Variants in MUC22 observed in about 807,000 individuals in gnomAD.
MUC22 encodes mucin-22.
MUC22 carries 24 observed loss-of-function variants against 40.3 expected under a neutral mutation model. The observed-to-expected ratio is 0.60, with a 90% CI of 0.43 to 0.84. The LOEUF is 0.84. Ranked by LOEUF, MUC22 falls within the 40% of genes least tolerant of loss-of-function variation. The probability of loss-of-function intolerance (pLI) is 0.00; values close to 1 mark genes in which losing one functional copy is unlikely to be tolerated. For synonymous variants in MUC22, 765 were observed against 844.5 expected, an observed-to-expected ratio of 0.91 and a Z score of 1.63; for missense variants, 1,926 against 2,130.7, an observed-to-expected ratio of 0.90 and a Z score of 1.89.
intron 3 of MUC22, among the ~76,000 whole-genome samples, chr6:31,033,106 A>G (rs1766188163): frequency 6.6e-6 from 1 of 152,166 alleles, no homozygotes; most frequent in African/African-American, 2.4e-5. Flanking sequence ...TGGAGGTTGC[A>G]GTGAGCAGAG....
At chr6:31,009,750 C>A (rs145585820), upstream of MUC22, among the ~76,000 whole-genome samples, 2 of 152,150 alleles carry the variant, frequency 1.3e-5, no homozygotes, top group Non-Finnish European at 2.9e-5. Flanking sequence ...ATCTGAATTA[C>A]ACGGGGTAAA....
exon 2 of MUC22, chr6:31,026,714 C>G: frequency 6.6e-7 from 1 of 1,505,814 alleles, no homozygotes. Context: ...GAGATGACCA[C>G]AGTCTTCACT....
rs552487972 is a variant in MUC22 at position 31,026,247 on chromosome 6, C to A, written c.816C>A (p.Thr272=). The A allele has an allele frequency of 3.1e-6, 4 of 1,277,552 alleles. 2 individuals are homozygous for A. The highest frequency in any genetic ancestry group is 4.2e-6 in the Non-Finnish European group (4 of 954,356). 79.1% of individuals were successfully genotyped at this position (1,277,552 alleles called of 1,614,324 possible). ...GCTCTAACACCACCACAGCCTCTACCACAGGCTCTGAGACCACTACAATCC... is the reference window on the plus strand; with the variant it reads ...GCTCTAACACCACCACAGCCTCTACAACAGGCTCTGAGACCACTACAATCC... Residue 272 remains threonine (T), a synonymous_variant, in exon 2 of 4, where the codon ACC becomes ACA. Transcript: ENST00000561890.
At chr6:31,035,031 A>T in exon 4 of MUC22, 3 of 1,316,042 alleles carry the variant, frequency 2.3e-6, no homozygotes, top group Non-Finnish European at 3.1e-6. Flanking sequence ...AAAACATATT[A>T]TGGGTGGGAG....
chr6:31,022,148 A>G (rs1243772626), intron 1 of MUC22, among the ~76,000 whole-genome samples: 2 of 151,780 alleles, frequency 1.3e-5, no homozygotes, highest in East Asian at 3.9e-4. Flanking sequence ...GAAGGAGCAA[A>G]CTCCAGACAT....
At position 31,030,038 on chromosome 6, in the gene MUC22, C is replaced by A. The variant is rs1462564375; in HGVS notation, c.4607C>A (p.Thr1536Lys). The A allele has an allele frequency of 1.5e-5, 23 of 1,535,534 alleles. No individual in the cohort carries two copies. Among genetic ancestry groups the A allele is most frequent in the Admixed American group, 2.0e-5 (1 of 50,978 alleles). ...GCCTCCACCACTGTCTCTTCCACCA[C>A]GTTTGTACTCACCAAGGCCACTGAC... Residue 1536 changes from threonine (T) to lysine (K), a missense_variant, in exon 2 of 4, where the codon ACG becomes AAG. Coordinates refer to ENST00000561890, the Ensembl canonical transcript of MUC22.
chr6:31,020,440 A>ATTTTTTTTT (rs1764588893), intron 1 of MUC22, among the ~76,000 whole-genome samples: 11 of 82,224 alleles, frequency 1.3e-4, no homozygotes, highest in South Asian at 4.0e-4. Context: ...CTGGAAATTG[A>ATTTTTTTTT]CTTTTTTTTT....
upstream of MUC22, among the ~76,000 whole-genome samples, chr6:31,005,968 G>A (rs1018459878): frequency 5.9e-5 from 9 of 152,158 alleles, no homozygotes; most frequent in African/African-American, 1.4e-4. Flanking sequence ...ACTAGCTGGC[G>A]TGGTGGCAGG....
Position 31,020,121 on chromosome 6 carries a change from A to G in MUC22, c.71-5381A>G, listed in dbSNP as rs143577638. The stretch of plus-strand genomic sequence containing the variant: ...CTCACAGATCCCAAGAACTCAACAA[A>G]TATCAAGCAAAATAAACTTTAAAAA... On this transcript the variant is annotated intron_variant, in intron 1 of 3. Transcript: ENST00000561890. Among the ~76,000 whole-genome samples, 491 of 152,346 alleles carry G rather than the reference A, an allele frequency of 3.2e-3. 4 individuals are homozygous for G. The highest frequency in any genetic ancestry group is 5.4e-3 in the African/African-American group (223 of 41,576).
upstream of MUC22, chr6:31,010,464 G>A (rs985427314): frequency 1.1e-5 from 6 of 528,888 alleles, no homozygotes; most frequent in Non-Finnish European, 2.0e-5. Flanking sequence ...CCACAGACAC[G>A]TTTGCGAGGA....
chr6:31,021,477 G>A (rs1764737112), intron 1 of MUC22, among the ~76,000 whole-genome samples: 1 of 150,386 alleles, frequency 6.6e-6, no homozygotes, highest in Non-Finnish European at 1.5e-5. Context: ...CTCTCGTGGG[G>A]CCTTGGAGAA....
upstream of MUC22, chr6:31,006,109 A>C (rs1341286394): frequency 2.5e-6 from 1 of 398,898 alleles, no homozygotes. Context: ...TCCGTCTCAA[A>C]AAAATGAAAA....
intron 1 of MUC22, among the ~76,000 whole-genome samples, chr6:31,018,334 A>T (rs1322210375): frequency 6.6e-6 from 1 of 152,208 alleles, no homozygotes; most frequent in Non-Finnish European, 1.5e-5. Context: ...TCCTTCCTGT[A>T]TTTAGTCACA....
upstream of MUC22, among the ~76,000 whole-genome samples, chr6:31,010,310 C>T (rs554517063): frequency 2.0e-5 from 3 of 152,008 alleles, no homozygotes; most frequent in African/African-American, 7.3e-5. Context: ...CTGGTCTTGC[C>T]GACTCTGCTC....
At chr6:31,030,544 T>C (rs1469994197) in intron 2 of MUC22, among the ~76,000 whole-genome samples, 1 of 149,276 alleles carries the variant, frequency 6.7e-6, no homozygotes, top group Non-Finnish European at 1.5e-5. Context: ...TGTCCTCTTC[T>C]GGAATCCTAA....
At chr6:31,020,171 A>C (rs1289339849) in intron 1 of MUC22, among the ~76,000 whole-genome samples, 1 of 152,230 alleles carries the variant, frequency 6.6e-6, no homozygotes, top group African/African-American at 2.4e-5. Flanking sequence ...CAACGTAATC[A>C]AATAACTAAA....
rs1197262562 is a variant in MUC22, at chr6:31,011,819, T to C, written c.70+1043T>C. On this transcript the variant is annotated intron_variant, in intron 1 of 3. Transcript: ENST00000561890. This position sits in a 1 kb window ranked among gnomAD's most constrained non-coding sequence, Gnocchi z 4.5. The stretch of plus-strand genomic sequence containing the variant: ...CATTCCCACTAGCAGTGTAGAAGTG[T>C]TCCCTGATCACTGCATCTACGCCAA... Among the ~76,000 whole-genome samples, 1 of 152,224 alleles carries C rather than the reference T, an allele frequency of 6.6e-6. No homozygotes were observed. The highest frequency in any genetic ancestry group is 1.5e-5 in the Non-Finnish European group (1 of 68,042).
intron 1 of MUC22, among the ~76,000 whole-genome samples, chr6:31,021,564 A>G (rs950646660): frequency 8.0e-6 from 1 of 125,184 alleles, no homozygotes; most frequent in African/African-American, 3.2e-5. Flanking sequence ...AAACACACCA[A>G]TCAGCACCCT....
At chr6:31,013,271 C>T (rs1474653009) in intron 1 of MUC22, among the ~76,000 whole-genome samples, 16 of 151,896 alleles carry the variant, frequency 1.1e-4, no homozygotes, top group East Asian at 3.9e-4. Flanking sequence ...GGACTACAGG[C>T]GCACACCGCC....
Sources: gnomAD v4.1 joint callset for allele counts (sites outside exome capture counted in the v4.1 genomes callset) on GRCh38, gnomAD v4.1.1 for gene constraint, Gnocchi (gnomAD v3.1) non-coding constraint, MANE v1.5 for transcripts, NCBI Gene and HGNC (gene_info 2026-07-23, HGNC 2026-07-21) for gene names.